Variants in GLT8D2 observed in about 807,000 individuals in gnomAD.
GLT8D2 encodes glycosyltransferase 8 domain containing 2.
GLT8D2 carries 45 observed loss-of-function variants against 44.5 expected under a neutral mutation model. The ratio of observed to expected loss-of-function variants is 1.01; its 90% CI spans 0.80 to 1.30. The LOEUF is 1.30. Among genes scored for constraint, GLT8D2 ranks in the 50% most tolerant of loss-of-function variants. The pLI is 0.00. For synonymous variants in GLT8D2, 156 were observed against 157.2 expected, an observed-to-expected ratio of 0.99 and a Z score of 0.06; for missense variants, 400 against 430.4, an observed-to-expected ratio of 0.93 and a Z score of 0.62.
At chr12:104,011,768 C>T (rs1875854549) in intron 4 of GLT8D2, among the ~76,000 whole-genome samples, 1 of 152,100 alleles carries the variant, frequency 6.6e-6, no homozygotes, top group South Asian at 2.1e-4. Context: ...TGACTGTTTT[C>T]TGCAGACCTC....
chr12:104,019,170 C>T (rs1177933028), intron 3 of GLT8D2, among the ~76,000 whole-genome samples: 1 of 147,236 alleles, frequency 6.8e-6, no homozygotes, highest in South Asian at 2.2e-4. Context: ...CTCTGTCTCC[C>T]AGGCTGGCAT....
At chr12:104,057,067 C>G (rs1463104933) in intron 1 of GLT8D2, among the ~76,000 whole-genome samples, 1 of 152,156 alleles carries the variant, frequency 6.6e-6, no homozygotes, top group Non-Finnish European at 1.5e-5. Context: ...TGCCACTGTT[C>G]AACTCCAGAT....
At chr12:103,994,632 T>A (rs1873186795) in intron 8 of GLT8D2, 131 bp from the exon 9 acceptor site, 2 of 744,596 alleles carry the variant, frequency 2.7e-6, no homozygotes, top group Non-Finnish European at 4.2e-6. Flanking sequence ...GGTAGTTTGT[T>A]GTTTTTGTTT....
chr12:104,035,541 A>G (rs1340835893), intron 1 of GLT8D2, among the ~76,000 whole-genome samples: 2 of 152,248 alleles, frequency 1.3e-5, no homozygotes, highest in Non-Finnish European at 2.9e-5. Flanking sequence ...TCAATAGCCA[A>G]TTCGATCAGG....
chr12:104,029,696 A>G (rs1048032629), intron 1 of GLT8D2: 1 of 152,228 alleles, frequency 6.6e-6, no homozygotes, highest in African/African-American at 2.4e-5. Flanking sequence ...AAGTACTTAC[A>G]ACAGTACTTG....
chr12:103,997,193 A>G (rs1873543953), intron 7 of GLT8D2, among the ~76,000 whole-genome samples: 1 of 152,204 alleles, frequency 6.6e-6, no homozygotes. Flanking sequence ...ATTTCCGTAC[A>G]TTATAGGCAT....
intron 1 of GLT8D2, among the ~76,000 whole-genome samples, chr12:104,055,987 T>C (rs1882155854): frequency 6.6e-6 from 1 of 152,234 alleles, no homozygotes; most frequent in South Asian, 2.1e-4. Context: ...GTGCTCTTGC[T>C]TTCCCCTGCT....
intron 4 of GLT8D2, among the ~76,000 whole-genome samples, chr12:104,009,003 C>A (rs911238836): frequency 6.6e-6 from 1 of 152,234 alleles, no homozygotes; most frequent in South Asian, 2.1e-4. Flanking sequence ...GGGGCGGGGG[C>A]CTCATGGAGG....
intron 4 of GLT8D2, 63 bp downstream of exon 4, chr12:104,014,950 A>T: frequency 8.6e-7 from 1 of 1,164,722 alleles, no homozygotes; most frequent in Non-Finnish European, 1.3e-6. Flanking sequence ...GAAAGGACCT[A>T]GAGGAACATA....
rs938967147 is a variant in GLT8D2, at chr12:104,040,419, G to GA, written c.-164+9475dup. Among the ~76,000 whole-genome samples the GA allele has an allele frequency of 7.3e-5, 11 of 150,262 alleles. No homozygotes were observed. The South Asian group carries it at 8.4e-4, about 11-fold the overall frequency. On this transcript the variant is annotated intron_variant, in intron 1 of 10. Transcript: ENST00000360814. ...TCTTTGAAATAAAAAACAACAAATT[G>GA]AAAAAAAAATGTTTTTTTTCTTTTG...
chr12:104,030,634 T>C (rs951427129), intron 1 of GLT8D2: 4 of 1,273,792 alleles, frequency 3.1e-6, no homozygotes, highest in Non-Finnish European at 4.3e-6. Context: ...TTACAAACCA[T>C]ATACCTGATA....
chr12:104,063,409 G>A (rs1275470793), intron 1 of GLT8D2, among the ~76,000 whole-genome samples: 3 of 152,236 alleles, frequency 2.0e-5, no homozygotes, highest in South Asian at 2.1e-4. Flanking sequence ...GGCTGGGTGC[G>A]GTGGCTCATG....
chr12:104,045,892 TAAG>T (rs1881032180), intron 1 of GLT8D2, among the ~76,000 whole-genome samples: 1 of 112,028 alleles, frequency 8.9e-6, no homozygotes, highest in Admixed American at 9.8e-5. Context: ...AAAAGAAAGA[TAAG>T]AAAGAAAGAA....
At chr12:104,053,972 A>G (rs982050831), upstream of GLT8D2, among the ~76,000 whole-genome samples, 2 of 152,168 alleles carry the variant, frequency 1.3e-5, no homozygotes, top group Non-Finnish European at 2.9e-5. Flanking sequence ...TTAATTTTAA[A>G]TTTAAATATT....
At chr12:104,016,843 AAAG>A in intron 3 of GLT8D2, among the ~76,000 whole-genome samples, 4 of 144,080 alleles carry the variant, frequency 2.8e-5, no homozygotes, top group Admixed American at 1.4e-4. Context: ...AGAAAGAAAG[AAAG>A]AAAGAAAGAA....
At chr12:104,012,709 TTGTTAACGTC>T in intron 4 of GLT8D2, 1 of 649,358 alleles carries the variant, frequency 1.5e-6, no homozygotes, top group Non-Finnish European at 2.8e-6. Context: ...CAGAGTCCGT[TTGTTAACGTC>T]TTAGCTTCCA....
chr12:104,011,007 G>A (rs1042243568), intron 4 of GLT8D2, among the ~76,000 whole-genome samples: 1 of 152,206 alleles, frequency 6.6e-6, no homozygotes, highest in African/African-American at 2.4e-5. Context: ...CAAACATTGA[G>A]TGTCCAGCTC....
intron 1 of GLT8D2, among the ~76,000 whole-genome samples, chr12:104,061,330 C>T (rs1180635076): frequency 6.6e-6 from 1 of 152,166 alleles, no homozygotes; most frequent in African/African-American, 2.4e-5. Flanking sequence ...ATATCATAGA[C>T]TAGTTTTTTT....
chr12:104,004,390 C>T (rs891322776), intron 4 of GLT8D2, among the ~76,000 whole-genome samples: 3 of 152,174 alleles, frequency 2.0e-5, no homozygotes, highest in Non-Finnish European at 4.4e-5. Context: ...GGCAATCAGG[C>T]AGGAGAAAGA....
Sources: allele counts gnomAD v4.1 joint callset (sites outside exome capture counted in the v4.1 genomes callset), GRCh38; gene constraint gnomAD v4.1.1; transcripts MANE v1.5; gene names NCBI Gene and HGNC (gene_info 2026-07-23, HGNC 2026-07-21).